Variants in SPATA18 observed in about 807,000 individuals in gnomAD.
The protein encoded by SPATA18 is mitochondria-eating protein.
A neutral mutation model predicts 68.1 loss-of-function variants in SPATA18; 54 were observed. The observed-to-expected ratio is 0.79, with a 90% CI of 0.64 to 0.99. SPATA18 has a LOEUF of 0.99. Among genes scored for constraint, SPATA18 ranks in the 50% least tolerant of loss-of-function variants. The pLI, the probability that SPATA18 is intolerant of heterozygous loss-of-function variation, is 0.00. For missense variants in SPATA18, 724 were observed against 681.1 expected (o/e 1.06, Z -0.70); for synonymous variants, 242 against 244.8 (o/e 0.99, Z 0.11).
intron 10 of SPATA18, 186 bp downstream of exon 10, chr4:52,082,696 A>C: frequency 1.4e-6 from 2 of 1,445,528 alleles, no homozygotes; most frequent in Non-Finnish European, 9.1e-7. Flanking sequence ...ATAATTCTGC[A>C]TAATTTCCTG....
chr4:52,074,635 TG>T (rs1425612445), intron 6 of SPATA18, among the ~76,000 whole-genome samples: 1 of 152,180 alleles, frequency 6.6e-6, no homozygotes, highest in Non-Finnish European at 1.5e-5. Flanking sequence ...GGCTTAAAAA[TG>T]GGCAGTGATT....
chr4:52,075,375 G>A (rs965937976), intron 6 of SPATA18, among the ~76,000 whole-genome samples: 1 of 152,076 alleles, frequency 6.6e-6, no homozygotes, highest in Middle Eastern at 3.2e-3. Context: ...TCCTCCAATG[G>A]AACTGTTTTT....
intron 1 of SPATA18, among the ~76,000 whole-genome samples, chr4:52,053,755 T>C (rs1578140001): frequency 6.6e-6 from 1 of 152,204 alleles, no homozygotes; most frequent in Non-Finnish European, 1.5e-5. Context: ...ATACGGAATC[T>C]AAACACTTTT....
chr4:52,090,181 C>T (rs955534382), intron 11 of SPATA18, among the ~76,000 whole-genome samples: 40 of 152,110 alleles, frequency 2.6e-4, no homozygotes, highest in African/African-American at 8.7e-4. Context: ...TGTCTTTGCA[C>T]GTGAGATCAG....
At chr4:52,084,144 T>G (rs994421615) in intron 10 of SPATA18, among the ~76,000 whole-genome samples, 11 of 152,178 alleles carry the variant, frequency 7.2e-5, no homozygotes, top group Admixed American at 2.6e-4. Context: ...ACATACTTCT[T>G]GCTCCTACAG....
chr4:52,071,992 A>G lies in SPATA18; in HGVS notation c.594A>G (p.Ser198=). 1 of 1,614,034 alleles carries G rather than the reference A, an allele frequency of 6.2e-7. No homozygotes were observed. Among genetic ancestry groups the G allele is most frequent in the Non-Finnish European group, 8.5e-7 (1 of 1,180,008 alleles). Residue 198 remains serine, a synonymous_variant, in exon 6 of 13, where the codon TCA becomes TCG. Transcript: ENST00000295213. ...AGAGGAGCTCAGAGAATAGGCGGTC[A>G]GAGCCTTGGAGCTTGGAGGAGCGGA... ...TDQRSSENRR[S]EPWSLEERKR... is the part of the protein sequence containing the mutation.
chr4:52,062,287 C>G lies in SPATA18; in HGVS notation c.377C>G (p.Ser126Cys), dbSNP rs1194837494. Residue 126 changes from serine to cysteine, a missense_variant, in exon 4 of 13, where the codon TCT (serine) becomes TGT (cysteine). Ser to Cys is a moderately radical substitution (Grantham distance 112, BLOSUM62 -1). Transcript: ENST00000295213. ...GATCGGGATATGCAACAGTTAGACT[C>G]TAATTTGAACTCAACCCGGAGTCAA... ...PRDRDMQQLD[S>C]NLNSTRSQCN... The G allele has an allele frequency of 5.6e-6, 9 of 1,608,698 alleles. No individual in the cohort carries two copies. Among genetic ancestry groups the G allele is most frequent in the Non-Finnish European group, 7.6e-6 (9 of 1,177,856 alleles).
chr4:52,051,619 A>G lies in SPATA18; in HGVS notation c.-86A>G. On this transcript the variant is annotated 5_prime_UTR_variant, in exon 1 of 13. Coordinates refer to ENST00000295213, the MANE Select transcript of SPATA18 (RefSeq NM_145263.4). Reference sequence around the variant, plus strand: ...CCCAGAAGAGAACACCCTTCCCGCCATATCACCCCACGGTCCTGCGGAGGC... The same window carrying G: ...CCCAGAAGAGAACACCCTTCCCGCCGTATCACCCCACGGTCCTGCGGAGGC... The G allele has an allele frequency of 7.9e-7, 1 of 1,265,626 alleles. No individual in the cohort carries two copies. Among genetic ancestry groups the G allele is most frequent in the South Asian group, 1.2e-5 (1 of 83,846 alleles). 78.4% of individuals were successfully genotyped at this position (1,265,626 alleles called of 1,614,324 possible).
chr4:52,090,291 A>C (rs752718119), intron 11 of SPATA18, among the ~76,000 whole-genome samples: 1 of 152,106 alleles, frequency 6.6e-6, no homozygotes, highest in Non-Finnish European at 1.5e-5. Context: ...TTTAAGGTTA[A>C]TATTGTTATG....
intron 6 of SPATA18, among the ~76,000 whole-genome samples, chr4:52,073,434 C>T (rs958868164): frequency 1.3e-5 from 2 of 152,140 alleles, no homozygotes; most frequent in Non-Finnish European, 2.9e-5. Flanking sequence ...CCCAGTACTT[C>T]CACATGTATT....
At chr4:52,062,180 C>T in intron 3 of SPATA18, 40 bp from the exon 4 acceptor site, 4 of 1,205,222 alleles carry the variant, frequency 3.3e-6, no homozygotes, top group Non-Finnish European at 4.7e-6. Flanking sequence ...TTAATGTATT[C>T]AGACTGTTTT....
intron 5 of SPATA18, 99 bp downstream of exon 5, chr4:52,070,015 G>C (rs1187033930): frequency 1.6e-5 from 7 of 443,768 alleles, no homozygotes; most frequent in Non-Finnish European, 2.5e-5. Flanking sequence ...CTATCAGAGA[G>C]AAAATGCAGA....
chr4:52,083,026 C>T (rs970316960), intron 10 of SPATA18: 39 of 985,160 alleles, frequency 4.0e-5, no homozygotes, highest in Non-Finnish European at 4.3e-5. Context: ...TTGGGAAGGT[C>T]GCTTCCTATA....
chr4:52,055,595 A>G (rs1429885119), intron 1 of SPATA18, among the ~76,000 whole-genome samples: 1 of 152,126 alleles, frequency 6.6e-6, no homozygotes, highest in East Asian at 1.9e-4. Flanking sequence ...AGACTCACTA[A>G]ATTGGTTTTG....
intron 11 of SPATA18, among the ~76,000 whole-genome samples, chr4:52,092,477 T>C (rs1742055486): frequency 6.6e-6 from 1 of 152,182 alleles, no homozygotes; most frequent in African/African-American, 2.4e-5. Flanking sequence ...TCTCTGGCCC[T>C]TTGCACTTCC....
chr4:52,083,933 G>T (rs1443174045), intron 10 of SPATA18, among the ~76,000 whole-genome samples: 4 of 151,450 alleles, frequency 2.6e-5, no homozygotes, highest in Non-Finnish European at 5.9e-5. Flanking sequence ...TAGAGACGGG[G>T]TTTCACCATG....
rs1256642253 is a variant in SPATA18 at position 52,072,027 on chromosome 4, A to G, written c.629A>G (p.Gln210Arg). The change falls in exon 6 of 13, where the codon CAG becomes CGG. Residue 210 changes from glutamine to arginine, a missense_variant. Gln to Arg is a conservative substitution (Grantham distance 43, BLOSUM62 1). Coordinates refer to ENST00000295213, the MANE Select transcript of SPATA18 (RefSeq NM_145263.4). ...PWSLEERKRE[Q>R]WNSLKQNADQ... ...AGCTTGGAGGAGCGGAAGCGTGAGC[A>G]GTGGAACTCACTCAAGCAGAATGCA... 1.2e-6 allele frequency: 2 copies of G among 1,613,878 alleles called. No homozygotes were observed. Among genetic ancestry groups the G allele is most frequent in the African/African-American group, 2.7e-5 (2 of 74,866 alleles).
chr4:52,077,357 T>TTTCC (rs1462003410), intron 7 of SPATA18, among the ~76,000 whole-genome samples: 2 of 140,912 alleles, frequency 1.4e-5, no homozygotes, highest in Non-Finnish European at 3.1e-5. Context: ...TCCCTCCCTC[T>TTTCC]CTCCATCTCT....
At chr4:52,082,264 A>G in intron 9 of SPATA18, 123 bp from the exon 10 acceptor site, 1 of 902,104 alleles carries the variant, frequency 1.1e-6, no homozygotes, top group Non-Finnish European at 1.7e-6. Flanking sequence ...TAAATAACAG[A>G]ATTTGACCTA....
Sources: gnomAD v4.1 joint callset for allele counts (sites outside exome capture counted in the v4.1 genomes callset) on GRCh38, gnomAD v4.1.1 for gene constraint, MANE v1.5 for transcripts, NCBI Gene and HGNC (gene_info 2026-07-23, HGNC 2026-07-21) for gene names.